Variants in APP observed in about 807,000 individuals in gnomAD.
APP encodes the protein amyloid beta precursor protein.
APP carries 31 observed loss-of-function variants against 101.4 expected under a neutral mutation model. That is an observed-to-expected ratio of 0.31 (90% CI 0.23 to 0.41). The LOEUF is 0.41. Among genes scored for constraint, APP ranks in the 10% least tolerant of loss-of-function variants. APP has a pLI of 1.00. For missense variants in APP, 839 were observed against 1,003.7 expected, an observed-to-expected ratio of 0.84 and a Z score of 2.22; for synonymous variants, 366 against 364.4, an observed-to-expected ratio of 1.00 and a Z score of -0.05.
intron 5 of APP, among the ~76,000 whole-genome samples, chr21:26,045,096 A>G (rs1273079548): frequency 6.6e-6 from 1 of 152,248 alleles, no homozygotes; most frequent in African/African-American, 2.4e-5. Context: ...AGAAGAGATA[A>G]TGCAGAAAAA....
intron 5 of APP, among the ~76,000 whole-genome samples, chr21:26,034,896 C>T (rs56333656): frequency 0.027 from 4,038 of 152,008 alleles, 172 homozygotes; most frequent in African/African-American, 0.09. Context: ...AGAACGACAA[C>T]GAACCAATAA....
At chr21:26,116,543 C>CA (rs1323472103) in intron 1 of APP, among the ~76,000 whole-genome samples, 1 of 152,124 alleles carries the variant, frequency 6.6e-6, no homozygotes, top group Non-Finnish European at 1.5e-5. Context: ...TCCCTTTCTC[C>CA]AAAAAGTTTC....
chr21:26,067,340 T>G (rs1408254988), intron 3 of APP, among the ~76,000 whole-genome samples: 1 of 152,198 alleles, frequency 6.6e-6, no homozygotes. Flanking sequence ...CTAGCCAGGT[T>G]TCAAATATTC....
intron 3 of APP, among the ~76,000 whole-genome samples, chr21:26,089,074 A>G (rs918779213): frequency 1.1e-4 from 17 of 152,204 alleles, no homozygotes; most frequent in African/African-American, 4.1e-4. Context: ...TAACCTTTAT[A>G]AGAAGTCATC....
intron 1 of APP, among the ~76,000 whole-genome samples, chr21:26,140,953 A>G (rs2063032369): frequency 6.6e-6 from 1 of 152,252 alleles, no homozygotes; most frequent in Admixed American, 6.5e-5. Context: ...GTAAAGACAG[A>G]GGATTTGGAA....
chr21:26,038,401 T>C (rs1024083834), intron 5 of APP, among the ~76,000 whole-genome samples: 8 of 152,156 alleles, frequency 5.3e-5, no homozygotes, highest in Admixed American at 2.0e-4. Flanking sequence ...AGATGAGTCA[T>C]TGAGCCCCAA....
chr21:26,126,804 T>C (rs977496508), intron 1 of APP, among the ~76,000 whole-genome samples: 3 of 152,144 alleles, frequency 2.0e-5, no homozygotes, highest in Non-Finnish European at 2.9e-5. Context: ...GAAAGAGTCA[T>C]GTCTTACTGT....
chr21:26,112,838 G>A (rs2062358804), intron 1 of APP, among the ~76,000 whole-genome samples: 1 of 152,088 alleles, frequency 6.6e-6, no homozygotes, highest in South Asian at 2.1e-4. Context: ...TTTCTCATTT[G>A]GAGCTCTACA....
chr21:25,895,851 T>C (rs902747977), intron 16 of APP, among the ~76,000 whole-genome samples: 2 of 152,246 alleles, frequency 1.3e-5, no homozygotes, highest in South Asian at 2.1e-4. Flanking sequence ...TCTGGACATA[T>C]GCCTGTGCCT....
At chr21:26,075,418 A>G (rs1377483010) in intron 3 of APP, among the ~76,000 whole-genome samples, 2 of 152,226 alleles carry the variant, frequency 1.3e-5, no homozygotes, top group Non-Finnish European at 2.9e-5. Flanking sequence ...ACTGATTATA[A>G]TACTTTGTCC....
Position 26,151,978 on chromosome 21 carries a change from TA to T in APP, c.57+18585del, listed in dbSNP as rs572006146. Among the ~76,000 whole-genome samples the T allele has an allele frequency of 7.8e-4, 119 of 152,098 alleles. 1 individual carries two copies. The highest frequency in any genetic ancestry group is 3.4e-3 in the Middle Eastern group (1 of 294). ...CTATGTTCAGGCTAGAAATGCCAAA[TA>T]AAAAAGCACATGTCTGTCTGGGCAC... On this transcript the variant is annotated intron_variant, in intron 1 of 17. Transcript: ENST00000346798.
At chr21:26,139,602 A>C (rs997698144) in intron 1 of APP, among the ~76,000 whole-genome samples, 1 of 152,230 alleles carries the variant, frequency 6.6e-6, no homozygotes, top group African/African-American at 2.4e-5. Context: ...CATCTTATTA[A>C]TAAGAATTTT....
intron 3 of APP, among the ~76,000 whole-genome samples, chr21:26,053,735 C>A (rs1287814579): frequency 6.6e-6 from 1 of 152,084 alleles, no homozygotes; most frequent in African/African-American, 2.4e-5. Flanking sequence ...CAATATAAAT[C>A]CCTACTTTTC....
chr21:26,096,137 C>T lies in APP; in HGVS notation c.226-6065G>A, dbSNP rs45493299. Among the ~76,000 whole-genome samples the T allele has an allele frequency of 8.6e-3, 1,315 of 152,326 alleles. 22 individuals are homozygous for T. Among genetic ancestry groups the T allele is most frequent in the African/African-American group, 0.03 (1,256 of 41,568 alleles). On this transcript the variant is annotated intron_variant, in intron 2 of 17. Transcript: ENST00000346798. ...CCTTAGACTACACTTCAAATGCCTA[C>T]GCCCATTAGGGTCCCCCCACATGGA... is the stretch of plus-strand genomic sequence containing the variant.
At chr21:26,016,869 C>T (rs534087201) in intron 6 of APP, among the ~76,000 whole-genome samples, 1 of 151,436 alleles carries the variant, frequency 6.6e-6, no homozygotes, top group South Asian at 2.1e-4. Flanking sequence ...TGCGCCCAGC[C>T]CAGGCCAATT....
chr21:25,931,330 ACTCTTCTGG>A (rs1430155404), intron 13 of APP, among the ~76,000 whole-genome samples: 1 of 151,732 alleles, frequency 6.6e-6, no homozygotes, highest in Non-Finnish European at 1.5e-5. Context: ...AGGATCTGTG[ACTCTTCTGG>A]CTGCTGTGGT....
chr21:25,880,975 G>A lies in APP; in HGVS notation c.*695C>T, dbSNP rs200665110. On this transcript the variant is annotated 3_prime_UTR_variant, in exon 18 of 18. Coordinates refer to ENST00000346798, the MANE Select transcript of APP (RefSeq NM_000484.4). The stretch of plus-strand genomic sequence containing the variant: ...CGTAAAAGTGCTTACAATGAACAGG[G>A]ATTCTTTTCTTTATCAAAGACCCAA... The A allele has an allele frequency of 6.6e-6, 1 of 150,416 alleles. No individual in the cohort carries two copies. Among genetic ancestry groups the A allele is most frequent in the Non-Finnish European group, 1.5e-5 (1 of 67,620 alleles). 9.3% of individuals were successfully genotyped at this position (150,416 alleles called of 1,614,324 possible). A position where few individuals can be genotyped will look rare whatever the true frequency, so the allele number is the denominator to read the frequency against.
At chr21:25,985,990 C>CA (rs2042621665) in intron 8 of APP, among the ~76,000 whole-genome samples, 1 of 152,100 alleles carries the variant, frequency 6.6e-6, no homozygotes, top group African/African-American at 2.4e-5. Context: ...GTGAGGATCC[C>CA]GGAAGGAGAG....
chr21:26,034,643 AAAAAAAGAAAAAGAAAAAG>A (rs1488508992), intron 5 of APP, among the ~76,000 whole-genome samples: 19 of 124,436 alleles, frequency 1.5e-4, no homozygotes, highest in African/African-American at 5.9e-4. Context: ...CTTCTCAAAA[AAAAAAAGAAAAAGAAAAAG>A]AAAAAAAGAA....
Sources: gnomAD v4.1 joint callset for allele counts (sites outside exome capture counted in the v4.1 genomes callset) on GRCh38, gnomAD v4.1.1 for gene constraint, MANE v1.5 for transcripts, NCBI Gene and HGNC (gene_info 2026-07-23, HGNC 2026-07-21) for gene names.